The following ADAMTS20 variants were observed in gnomAD, a reference collection of about 807,000 sequenced individuals.
The protein encoded by ADAMTS20 is ADAM metallopeptidase with thrombospondin type 1 motif 20.
Under a neutral mutation model 260.1 loss-of-function variants are expected in ADAMTS20, and 225 were observed. The observed-to-expected ratio is 0.87, with a 90% confidence interval of 0.78 to 0.97. The LOEUF (loss-of-function observed/expected upper bound fraction) is 0.97, where lower values mean the gene tolerates loss of function less well. ADAMTS20 is among the 50% of genes least tolerant of loss of function. ADAMTS20 has a pLI of 0.00. For missense variants in ADAMTS20, 2,400 were observed against 2,337.7 expected (o/e 1.03, Z -0.55); for synonymous variants, 802 against 769.5 (o/e 1.04, Z -0.70).
Position 43,358,372 on chromosome 12 carries a change from CA to C in ADAMTS20, c.5539-1785del, listed in dbSNP as rs994972179. ...TCACTTAGAAAGCTAAATATGATCT[CA>C]AAAAAAATGGTAAAACAATTATCTA... On this transcript the variant is annotated intron_variant, in intron 37 of 38. Coordinates refer to ENST00000389420, the MANE Select transcript of ADAMTS20 (RefSeq NM_025003.5). Among the ~76,000 whole-genome samples, 6 of 151,354 alleles carry C rather than the reference CA, an allele frequency of 4.0e-5. No individual in the cohort carries two copies. In the South Asian group the frequency reaches 6.3e-4, roughly 16 times the overall value.
chr12:43,470,209 C>T (rs750900618), intron 7 of ADAMTS20, among the ~76,000 whole-genome samples: 6 of 152,098 alleles, frequency 3.9e-5, no homozygotes, highest in Non-Finnish European at 4.4e-5. Context: ...TTAAGGGAAA[C>T]GCATTTCTTT....
intron 18 of ADAMTS20, 90 bp from the exon 19 acceptor site, chr12:43,434,461 G>A (rs1941511054): frequency 1.5e-6 from 2 of 1,361,958 alleles, no homozygotes; most frequent in Admixed American, 2.6e-5. Flanking sequence ...TAGCTTAAAG[G>A]AGCCAGCTAA....
chr12:43,418,310 C>T (rs1278123508), intron 28 of ADAMTS20, among the ~76,000 whole-genome samples: 1 of 151,780 alleles, frequency 6.6e-6, no homozygotes, highest in Non-Finnish European at 1.5e-5. Flanking sequence ...GTGATTTTGC[C>T]CAGGGCATTT....
At position 43,443,923 on chromosome 12, in the gene ADAMTS20, C is replaced by T; in HGVS notation, c.2198-40G>A. On this transcript the variant is annotated intron_variant, in intron 15 of 38. Transcript: ENST00000389420. ...TACATATGTTAAATTTCACAAAAAG[C>T]AGATGGCCCAGAGGTTATTACTGCT... 2.0e-6 allele frequency: 3 copies of T among 1,531,662 alleles called. No homozygotes were observed. In the South Asian group the frequency reaches 3.4e-5, roughly 17 times the overall value. 94.9% of individuals were successfully genotyped at this position (1,531,662 alleles called of 1,614,324 possible).
At chr12:43,443,945 T>C in intron 15 of ADAMTS20, 62 bp from the exon 16 acceptor site, 1 of 1,326,938 alleles carries the variant, frequency 7.5e-7, no homozygotes, top group Non-Finnish European at 1.1e-6. Context: ...AGGTTATTAC[T>C]GCTGAATGGA....
intron 2 of ADAMTS20, among the ~76,000 whole-genome samples, chr12:43,537,075 T>G (rs990905228): frequency 6.6e-6 from 1 of 152,178 alleles, no homozygotes; most frequent in Non-Finnish European, 1.5e-5. Context: ...TTCATTCATT[T>G]ATTTATTATT....
intron 11 of ADAMTS20, among the ~76,000 whole-genome samples, chr12:43,459,263 A>G (rs1942019289): frequency 6.6e-6 from 1 of 152,150 alleles, no homozygotes; most frequent in African/African-American, 2.4e-5. Flanking sequence ...ATCCAGCGAG[A>G]TGCCCATTGC....
intron 29 of ADAMTS20, among the ~76,000 whole-genome samples, chr12:43,389,984 A>G (rs943127635): frequency 1.3e-5 from 2 of 152,202 alleles, no homozygotes; most frequent in African/African-American, 2.4e-5. Flanking sequence ...ACACTGCTAA[A>G]GTTTATCACC....
At position 43,446,708 on chromosome 12, in the gene ADAMTS20, G is replaced by C; in HGVS notation, c.2084C>G (p.Ala695Gly). ...GGAGTTTAACACGTGATCACAACCAGCTGCCTTCAAGACACAATTACAATC... is the reference window on the plus strand; with the variant it reads ...GGAGTTTAACACGTGATCACAACCACCTGCCTTCAAGACACAATTACAATC... ...DICVQGQCMA[A>G]GCDHVLNSSA... The change falls in exon 15 of 39, where the codon GCT (alanine) becomes GGT (glycine). Residue 695 changes from alanine (A) to glycine (G), a missense_variant. Physicochemically the swap from Ala to Gly is moderately conservative, Grantham distance 60. Transcript: ENST00000389420. 6.2e-7 allele frequency: 1 copy of C among 1,612,290 alleles called. No homozygotes were observed. The highest frequency in any genetic ancestry group is 2.2e-5 in the East Asian group (1 of 44,834).
intron 31 of ADAMTS20, among the ~76,000 whole-genome samples, chr12:43,379,913 C>T (rs1370890418): frequency 6.6e-6 from 1 of 151,732 alleles, no homozygotes; most frequent in Non-Finnish European, 1.5e-5. Context: ...AAGTATTCCA[C>T]AGATAGAATA....
intron 20 of ADAMTS20, 32 bp from the exon 21 acceptor site, chr12:43,432,500 G>GA (rs755325374): frequency 2.7e-4 from 431 of 1,589,506 alleles, no homozygotes; most frequent in Non-Finnish European, 3.5e-4. Flanking sequence ...GTAACTAATG[G>GA]AAAAAAATCA....
At chr12:43,437,605 A>G (rs1056642842) in intron 18 of ADAMTS20, among the ~76,000 whole-genome samples, 1 of 152,198 alleles carries the variant, frequency 6.6e-6, no homozygotes, top group Non-Finnish European at 1.5e-5. Context: ...TTCTCTATTT[A>G]TACCAGCTAA....
At chr12:43,405,331 C>T (rs555319692) in intron 28 of ADAMTS20, among the ~76,000 whole-genome samples, 59 of 144,274 alleles carry the variant, frequency 4.1e-4, no homozygotes, top group Middle Eastern at 3.7e-3. Context: ...GGTGTGATGA[C>T]TCTTGGAGCC....
chr12:43,528,387 A>G (rs7959578), intron 3 of ADAMTS20, among the ~76,000 whole-genome samples: 88,659 of 133,212 alleles, frequency 0.67, 29,891 homozygotes, highest in East Asian at 0.98. Flanking sequence ...CAAATCCGGA[A>G]GCAATATATA....
At chr12:43,363,876 C>T (rs1939927511) in intron 37 of ADAMTS20, among the ~76,000 whole-genome samples, 1 of 152,100 alleles carries the variant, frequency 6.6e-6, no homozygotes, top group South Asian at 2.1e-4. Context: ...GGCCATGGGG[C>T]CTCTATTTAA....
intron 19 of ADAMTS20, chr12:43,433,703 AACACACACACACACACACACAC>A (rs56226241): frequency 2.8e-6 from 1 of 356,870 alleles, no homozygotes; most frequent in Non-Finnish European, 5.4e-6. Context: ...TGCACACACA[AACACACACACACACACACACAC>A]ACACACACAC....
At chr12:43,498,997 C>G (rs1380451918) in intron 4 of ADAMTS20, among the ~76,000 whole-genome samples, 1 of 152,106 alleles carries the variant, frequency 6.6e-6, no homozygotes, top group Non-Finnish European at 1.5e-5. Flanking sequence ...TTCCTATGTC[C>G]TCACTTGAAC....
intron 4 of ADAMTS20, 37 bp from the exon 5 acceptor site, chr12:43,493,290 A>T: frequency 2.2e-6 from 3 of 1,394,164 alleles, no homozygotes; most frequent in Non-Finnish European, 3.0e-6. Flanking sequence ...GTTGTTTAAA[A>T]TGAATATTTC....
At chr12:43,483,317 C>A (rs535835436) in intron 7 of ADAMTS20, among the ~76,000 whole-genome samples, 1 of 152,066 alleles carries the variant, frequency 6.6e-6, no homozygotes, top group Non-Finnish European at 1.5e-5. Context: ...TAAGGAAGCA[C>A]CCTGTGGGAC....
Sources: allele counts gnomAD v4.1 joint callset (sites outside exome capture counted in the v4.1 genomes callset), GRCh38; gene constraint gnomAD v4.1.1; transcripts MANE v1.5; gene names NCBI Gene and HGNC (gene_info 2026-07-23, HGNC 2026-07-21).